The following STPG4 variants were observed in gnomAD, a reference collection of about 807,000 sequenced individuals.
STPG4 encodes sperm-tail PG-rich repeat containing 4.
STPG4 carries 41 observed loss-of-function variants against 31.5 expected under a neutral mutation model. The ratio of observed to expected loss-of-function variants is 1.30; its 90% CI spans 1.01 to 1.69. STPG4 has a LOEUF of 1.69. Among genes scored for constraint, STPG4 ranks in the 40% most tolerant of loss-of-function variants. The pLI, the probability that STPG4 is intolerant of heterozygous loss-of-function variation, is 0.00. For synonymous variants in STPG4, 141 were observed against 103.0 expected, an observed-to-expected ratio of 1.37 and a Z score of -2.24; for missense variants, 375 against 293.4, an observed-to-expected ratio of 1.28 and a Z score of -2.03.
At chr2:47,129,486 G>T in intron 5 of STPG4, 1 of 161,138 alleles carries the variant, frequency 6.2e-6, no homozygotes. Context: ...ATTCCTGGCT[G>T]GCTAGTGCTG....
intron 5 of STPG4, among the ~76,000 whole-genome samples, chr2:47,119,821 C>T (rs1173179324): frequency 6.6e-6 from 1 of 152,112 alleles, no homozygotes; most frequent in Non-Finnish European, 1.5e-5. Flanking sequence ...TAAGTCCTGA[C>T]CTCCGCAGTG....
At chr2:47,110,177 G>T (rs966248221) in intron 5 of STPG4, among the ~76,000 whole-genome samples, 1 of 152,136 alleles carries the variant, frequency 6.6e-6, no homozygotes. Context: ...AACATCATAC[G>T]AATGACTGAG....
intron 3 of STPG4, among the ~76,000 whole-genome samples, chr2:47,133,753 T>G (rs1193474647): frequency 1.3e-5 from 2 of 151,766 alleles, no homozygotes; most frequent in Non-Finnish European, 2.9e-5. Context: ...AATTTTGTAT[T>G]TTTAGTAGAG....
chr2:47,117,660 A>G (rs1222425216), intron 5 of STPG4, among the ~76,000 whole-genome samples: 1 of 152,208 alleles, frequency 6.6e-6, no homozygotes, highest in East Asian at 1.9e-4. Context: ...CATTGGTTGG[A>G]TAACTGACCT....
intron 3 of STPG4, among the ~76,000 whole-genome samples, chr2:47,145,997 C>A (rs1434987350): frequency 1.3e-5 from 2 of 152,130 alleles, no homozygotes; most frequent in Non-Finnish European, 2.9e-5. Flanking sequence ...ATCCAGATAT[C>A]TTGGATAAGA....
chr2:47,134,034 A>G (rs533468789), intron 3 of STPG4, among the ~76,000 whole-genome samples: 42 of 151,652 alleles, frequency 2.8e-4, no homozygotes, highest in African/African-American at 9.9e-4. Context: ...GACTACATAT[A>G]CACATACATA....
At chr2:47,097,031 T>C (rs539541068) in intron 5 of STPG4, among the ~76,000 whole-genome samples, 28 of 151,684 alleles carry the variant, frequency 1.8e-4, no homozygotes, top group Non-Finnish European at 2.8e-4. Flanking sequence ...CCCTTGAAGA[T>C]AGGGAGGACA....
At chr2:47,119,464 A>G (rs1372400847) in intron 5 of STPG4, among the ~76,000 whole-genome samples, 1 of 152,238 alleles carries the variant, frequency 6.6e-6, no homozygotes, top group African/African-American at 2.4e-5. Flanking sequence ...CATACCAAGT[A>G]GATTGTCCTG....
intron 5 of STPG4, among the ~76,000 whole-genome samples, chr2:47,107,926 C>T (rs1424349794): frequency 1.3e-5 from 2 of 151,830 alleles, no homozygotes; most frequent in Non-Finnish European, 2.9e-5. Context: ...CTTGGAGAAC[C>T]TTTATGTCTA....
chr2:47,090,176 C>A, intron 6 of STPG4, 94 bp downstream of exon 6: 1 of 800,416 alleles, frequency 1.2e-6, no homozygotes, highest in Non-Finnish European at 2.1e-6. Context: ...ATCTCACCAC[C>A]ACCCCGCACC....
intron 5 of STPG4, among the ~76,000 whole-genome samples, chr2:47,118,537 CA>C (rs1686197218): frequency 6.6e-6 from 1 of 152,028 alleles, no homozygotes; most frequent in Admixed American, 6.6e-5. Flanking sequence ...TTCCCCACTC[CA>C]ACCCTGGTCC....
chr2:47,087,715 T>C lies in STPG4; in HGVS notation c.625-585A>G, dbSNP rs1270630266. On this transcript the variant is annotated intron_variant, in intron 6 of 6. Coordinates refer to ENST00000445927, the MANE Select transcript of STPG4 (RefSeq NM_001163561.2). ...TTCTAATTTTTAAAAGTCATGTTTT[T>C]GTTTTTATAAAATGCTTGAACAAAT... Among the ~76,000 whole-genome samples the C allele has an allele frequency of 3.3e-4, 51 of 152,348 alleles. 1 individual carries two copies. Among genetic ancestry groups the C allele is most frequent in the Non-Finnish European group, 1.5e-4 (10 of 68,032 alleles).
At chr2:47,147,824 A>G (rs1419634804) in intron 3 of STPG4, among the ~76,000 whole-genome samples, 2 of 152,208 alleles carry the variant, frequency 1.3e-5, no homozygotes, top group Non-Finnish European at 1.5e-5. Flanking sequence ...ATGTGAATAT[A>G]CTATTTATCT....
chr2:47,122,467 A>G (rs1292634127), intron 5 of STPG4, among the ~76,000 whole-genome samples: 1 of 152,134 alleles, frequency 6.6e-6, no homozygotes, highest in African/African-American at 2.4e-5. Context: ...AAAAGTATCA[A>G]ATTTTTTAAT....
chr2:47,127,969 G>A (rs1686397719), intron 5 of STPG4, among the ~76,000 whole-genome samples: 1 of 152,164 alleles, frequency 6.6e-6, no homozygotes, highest in African/African-American at 2.4e-5. Context: ...GTTTGTACCT[G>A]TCCTTCTTGG....
Position 47,087,116 on chromosome 2 carries a change from T to A in STPG4, c.639A>T (p.Pro213=). The part of the protein sequence containing the change: ...FLPSCSKTPG[P]GAYTTLRQFP... Reference sequence around the variant, plus strand: ...ATTGTCTTAAAGTTGTATATGCTCCTGGGCCTGGGGTTTTCTGAAAACAGA... The same window carrying A: ...ATTGTCTTAAAGTTGTATATGCTCCAGGGCCTGGGGTTTTCTGAAAACAGA... The change falls in exon 7 of 7, where the codon CCA becomes CCT. Residue 213 remains proline, a synonymous_variant. Transcript: ENST00000445927. The A allele has an allele frequency of 6.4e-7, 1 of 1,551,802 alleles. No individual in the cohort carries two copies. The highest frequency in any genetic ancestry group is 2.4e-5 in the East Asian group (1 of 40,922).
intron 6 of STPG4, among the ~76,000 whole-genome samples, 154 bp from the exon 7 acceptor site, chr2:47,087,284 G>C (rs112844363): frequency 6.6e-6 from 1 of 152,210 alleles, no homozygotes; most frequent in Admixed American, 6.5e-5. Context: ...GCAGACCCTC[G>C]AATTGGAGCA....
chr2:47,128,035 C>T (rs954672416), intron 5 of STPG4, among the ~76,000 whole-genome samples: 4 of 152,106 alleles, frequency 2.6e-5, no homozygotes, highest in Non-Finnish European at 5.9e-5. Context: ...CTTTGGTCAC[C>T]GTAGCTGTGT....
At chr2:47,098,051 T>G (rs2103734906) in intron 5 of STPG4, among the ~76,000 whole-genome samples, 1 of 152,238 alleles carries the variant, frequency 6.6e-6, no homozygotes, top group South Asian at 2.1e-4. Context: ...ATGAGAATGG[T>G]TTTTACAGTC....
Sources: allele counts gnomAD v4.1 joint callset (sites outside exome capture counted in the v4.1 genomes callset), GRCh38; gene constraint gnomAD v4.1.1; transcripts MANE v1.5; gene names NCBI Gene and HGNC (gene_info 2026-07-23, HGNC 2026-07-21).